CARS2: variants seen among roughly 807,000 people sequenced by gnomAD.
CARS2 encodes the protein probable cysteine--tRNA ligase, mitochondrial.
In CARS2, 52 loss-of-function variants were observed where a neutral mutation model predicts 68.8. That is an observed-to-expected ratio of 0.76 (90% CI 0.61 to 0.95). The LOEUF is 0.95. Among genes scored for constraint, CARS2 ranks in the 40% least tolerant of loss-of-function variants. The pLI is 0.00. For missense variants in CARS2, 780 were observed against 754.2 expected (o/e 1.03, Z -0.40); for synonymous variants, 314 against 303.6 (o/e 1.03, Z -0.36).
At chr13:110,696,918 C>T (rs1050989840) in intron 3 of CARS2, among the ~76,000 whole-genome samples, 1 of 152,180 alleles carries the variant, frequency 6.6e-6, no homozygotes. Context: ...CCCCACCTTC[C>T]CCATCGCCCC....
chr13:110,711,481 T>A (rs1029178962), intron 1 of CARS2, among the ~76,000 whole-genome samples: 1 of 152,248 alleles, frequency 6.6e-6, no homozygotes, highest in African/African-American at 2.4e-5. Flanking sequence ...CCCAAAGTGG[T>A]AGGATTACAG....
At chr13:110,646,214 T>C (rs1306557969) in intron 11 of CARS2, 124 bp from the exon 12 acceptor site, 10 of 1,148,770 alleles carry the variant, frequency 8.7e-6, no homozygotes, top group Non-Finnish European at 1.2e-5. Context: ...CTCTAGGTCA[T>C]ATTCCCAAAG....
chr13:110,698,317 C>T (rs987497746), intron 3 of CARS2, among the ~76,000 whole-genome samples: 2 of 150,534 alleles, frequency 1.3e-5, no homozygotes, highest in Admixed American at 1.3e-4. Context: ...ATCAGGAGTT[C>T]GAGACCAGCC....
chr13:110,646,593 C>T (rs1440749018), intron 11 of CARS2: 1 of 162,512 alleles, frequency 6.2e-6, no homozygotes, highest in African/African-American at 2.4e-5. Context: ...CCCAGGACAC[C>T]CGTGGGTGGG....
intron 5 of CARS2, among the ~76,000 whole-genome samples, chr13:110,685,186 TA>T (rs1243427830): frequency 6.6e-6 from 1 of 152,138 alleles, no homozygotes; most frequent in Non-Finnish European, 1.5e-5. Flanking sequence ...CTAAGTCCTT[TA>T]AAAAAAGTTT....
chr13:110,713,019 C>T (rs1293144632), intron 1 of CARS2: 2 of 1,514,472 alleles, frequency 1.3e-6, no homozygotes, highest in East Asian at 2.5e-5. Flanking sequence ...TCAAAGGACA[C>T]CGAGAGGGTG....
intron 14 of CARS2, 58 bp downstream of exon 14, chr13:110,642,257 G>T: frequency 1.5e-6 from 2 of 1,366,864 alleles, no homozygotes; most frequent in Non-Finnish European, 1.0e-6. Flanking sequence ...ATGGCCCCAC[G>T]TCCTGTTGAC....
At chr13:110,647,561 C>A (rs910447103) in intron 10 of CARS2, among the ~76,000 whole-genome samples, 4 of 151,862 alleles carry the variant, frequency 2.6e-5, no homozygotes, top group African/African-American at 9.7e-5. Context: ...AAGAAGGAGC[C>A]CCGCCCTGGA....
chr13:110,706,196 T>C (rs1189598029), upstream of CARS2: 3 of 838,138 alleles, frequency 3.6e-6, no homozygotes, highest in Non-Finnish European at 4.7e-6. Context: ...GCCCACGCCC[T>C]TGGGGCCACG....
At chr13:110,685,232 C>T (rs917274389) in intron 5 of CARS2, among the ~76,000 whole-genome samples, 1 of 152,082 alleles carries the variant, frequency 6.6e-6, no homozygotes, top group Admixed American at 6.6e-5. Context: ...ATTGCTTGAA[C>T]CCGGGAGGCG....
intron 1 of CARS2, chr13:110,712,780 C>T (rs1253460380): frequency 5.6e-6 from 4 of 718,526 alleles, no homozygotes; most frequent in Admixed American, 4.0e-5. Context: ...AGAGATAAGG[C>T]CTAGGGAAGG....
At chr13:110,663,240 C>G (rs1471887570) in intron 9 of CARS2, among the ~76,000 whole-genome samples, 1 of 152,086 alleles carries the variant, frequency 6.6e-6, no homozygotes, top group Non-Finnish European at 1.5e-5. Flanking sequence ...AAGAAAGGGA[C>G]TGCGGAAACC....
At chr13:110,695,111 G>A (rs1420067675) in intron 3 of CARS2, among the ~76,000 whole-genome samples, 1 of 152,004 alleles carries the variant, frequency 6.6e-6, no homozygotes, top group Non-Finnish European at 1.5e-5. Flanking sequence ...AGAAGGCCCT[G>A]TCTCTTCAAA....
intron 3 of CARS2, among the ~76,000 whole-genome samples, chr13:110,698,447 G>A (rs1285225410): frequency 6.6e-6 from 1 of 151,802 alleles, no homozygotes; most frequent in Non-Finnish European, 1.5e-5. Context: ...CTGACCCCGG[G>A]ATGTGGAGGT....
chr13:110,656,410 C>T lies in CARS2; in HGVS notation c.988-5310G>A, dbSNP rs117889205. Among the ~76,000 whole-genome samples the T allele has an allele frequency of 1.0e-3, 159 of 152,246 alleles. 2 individuals carry two copies. In the East Asian group the frequency reaches 0.027, roughly 26 times the overall value. On this transcript the variant is annotated intron_variant, in intron 9 of 14. Coordinates refer to ENST00000257347, the MANE Select transcript of CARS2 (RefSeq NM_024537.4). ...TTAATGAAAGGAGATCATTACATGCCGCGAGTGTATGTTCAGACCACAGAG... is the reference window on the plus strand; with the variant it reads ...TTAATGAAAGGAGATCATTACATGCTGCGAGTGTATGTTCAGACCACAGAG...
In CARS2 at chr13:110,668,543, A is replaced by AC. The variant is rs1431729051; in HGVS notation, c.786-1071_786-1070insG. On this transcript the variant is annotated intron_variant, in intron 7 of 14. Coordinates refer to ENST00000257347, the MANE Select transcript of CARS2 (RefSeq NM_024537.4). This position sits in a 1 kb window ranked among gnomAD's most constrained non-coding sequence, Gnocchi z 4.1. ...GGTGACAGAGCGAGACTCCGTCTCA[A>AC]AAAAAAAAAAAGATTTTTACATCTT... 6.6e-6 allele frequency among the ~76,000 whole-genome samples: 1 copy of AC among 150,918 alleles called. No individual in the cohort carries two copies.
chr13:110,647,645 G>A (rs529132476), intron 10 of CARS2, among the ~76,000 whole-genome samples: 1 of 89,468 alleles, frequency 1.1e-5, no homozygotes, highest in East Asian at 3.5e-4. Flanking sequence ...CACCTCTAGG[G>A]AAGGCCCTCC....
chr13:110,654,093 A>G (rs2062298770), intron 9 of CARS2, among the ~76,000 whole-genome samples: 2 of 152,166 alleles, frequency 1.3e-5, no homozygotes, highest in South Asian at 2.1e-4. Context: ...TGAGCTCACG[A>G]GGTAACAGGG....
chr13:110,642,844 A>G (rs1259497537), intron 13 of CARS2: 3 of 591,272 alleles, frequency 5.1e-6, no homozygotes, highest in Admixed American at 2.2e-5. Flanking sequence ...ACCTCACGCA[A>G]TTGTGGCCGA....
Sources: gnomAD v4.1 joint callset for allele counts (sites outside exome capture counted in the v4.1 genomes callset) on GRCh38, gnomAD v4.1.1 for gene constraint, Gnocchi (gnomAD v3.1) non-coding constraint, MANE v1.5 for transcripts, NCBI Gene and HGNC (gene_info 2026-07-23, HGNC 2026-07-21) for gene names.